The following MCEE variants were observed in gnomAD, a reference collection of about 807,000 sequenced individuals.
MCEE encodes methylmalonyl-CoA epimerase.
In MCEE, 6 loss-of-function variants were observed where a neutral mutation model predicts 12.9. The observed-to-expected ratio is 0.47, with a 90% CI of 0.26 to 0.92. The LOEUF (loss-of-function observed/expected upper bound fraction) is 0.92. Among genes scored for constraint, MCEE ranks in the 40% least tolerant of loss-of-function variants. MCEE has a pLI of 0.16. For missense variants in MCEE, 214 were observed against 212.1 expected, an observed-to-expected ratio of 1.01 and a Z score of -0.05; for synonymous variants, 78 against 77.9, an observed-to-expected ratio of 1.00 and a Z score of -0.01.
At chr2:71,116,023 C>T (rs1396963924) in intron 2 of MCEE, among the ~76,000 whole-genome samples, 2 of 150,032 alleles carry the variant, frequency 1.3e-5, no homozygotes, top group Non-Finnish European at 2.9e-5. Flanking sequence ...CAAACAATTA[C>T]AGAGTGTACC....
intron 1 of MCEE, among the ~76,000 whole-genome samples, chr2:71,125,732 GCAAA>G (rs1487346206): frequency 6.6e-6 from 1 of 152,120 alleles, no homozygotes; most frequent in East Asian, 1.9e-4. Flanking sequence ...CATTCATTTA[GCAAA>G]CAGTCATTGC....
chr2:71,120,484 A>T lies in MCEE; in HGVS notation c.378+3722T>A, dbSNP rs193073258. 2.0e-5 allele frequency among the ~76,000 whole-genome samples: 3 copies of T among 150,606 alleles called. No homozygotes were observed. The East Asian group carries it at 5.8e-4, about 29-fold the overall frequency. ...CCTCTAGTGAGAGGCAAAGACACAC[A>T]AGAAATATGAGTAAACCTCACAAGA... On this transcript the variant is annotated intron_variant, in intron 2 of 2. Transcript: ENST00000244217.
At position 71,130,205 on chromosome 2, in the gene MCEE, C is replaced by T; in HGVS notation, c.15G>A (p.Leu5=). The T allele has an allele frequency of 6.2e-7, 1 of 1,607,680 alleles. No individual in the cohort carries two copies. ...CTACGGCATTCGCGGCTGCAGCCTT[C>T]AGCACCCGCGCCATTTTGGAAAGCA... MARV[L]KAAAANAVGL... The change falls in exon 1 of 3, where the codon CTG becomes CTA. Residue 5 remains leucine, a synonymous_variant. Transcript: ENST00000244217.
chr2:71,110,134 G>A lies in MCEE; in HGVS notation c.379-12C>T, dbSNP rs1302543824. ...TTAATATTATCCACCTTAAGAAAGG[G>A]AAATAAATTGAACACATTTGAGATC... On this transcript the variant is annotated splice_polypyrimidine_tract_variant and intron_variant, in intron 2 of 2. Transcript: ENST00000244217. The A allele has an allele frequency of 1.9e-6, 3 of 1,608,790 alleles. No homozygotes were observed. Among genetic ancestry groups the A allele is most frequent in the Non-Finnish European group, 2.6e-6 (3 of 1,175,900 alleles).
Position 71,124,362 on chromosome 2 carries a change from A to G in MCEE, c.222T>C (p.Ser74=). The G allele has an allele frequency of 1.2e-6, 2 of 1,614,146 alleles. No individual in the cohort carries two copies. Among genetic ancestry groups the G allele is most frequent in the African/African-American group, 1.3e-5 (1 of 75,050 alleles). ...CATGTTCAGGAAGAGGGACCGCTTC[A>G]CTTACCTGGGCCCCCAGAATATTCT... ...FYKNILGAQV[S]EAVPLPEHGV... The change falls in exon 2 of 3, where the codon AGT becomes AGC. Residue 74 remains serine, a synonymous_variant. Transcript: ENST00000244217.
intron 2 of MCEE, among the ~76,000 whole-genome samples, chr2:71,119,277 TAC>T: frequency 6.6e-6 from 1 of 150,402 alleles, no homozygotes; most frequent in Admixed American, 6.6e-5. Flanking sequence ...GGCTACAGGG[TAC>T]AGTCTATTCC....
rs1315612779 is a variant in MCEE, at chr2:71,124,428, G to T, written c.156C>A (p.Ala52=). 6.2e-7 allele frequency: 1 copy of T among 1,614,036 alleles called. No homozygotes were observed. Among genetic ancestry groups the T allele is most frequent in the African/African-American group, 1.3e-5 (1 of 74,918 alleles). ...VWNLGRLNHV[A]IAVPDLEKAA... Reference sequence around the variant, plus strand: ...CCTTTTCCAAATCTGGCACTGCTATGGCTACATGGTTGAGTCGACCCAGGT... The same window carrying T: ...CCTTTTCCAAATCTGGCACTGCTATTGCTACATGGTTGAGTCGACCCAGGT... Residue 52 remains alanine (A), a synonymous_variant, in exon 2 of 3, where the codon GCC becomes GCA. Coordinates refer to ENST00000244217, the MANE Select transcript of MCEE (RefSeq NM_032601.4).
Position 71,124,321 on chromosome 2 carries a change from A to G in MCEE, c.263T>C (p.Phe88Ser). 8.7e-6 allele frequency: 14 copies of G among 1,614,230 alleles called. No individual in the cohort carries two copies. Among genetic ancestry groups the G allele is most frequent in the Non-Finnish European group, 1.2e-5 (14 of 1,180,036 alleles). Residue 88 changes from phenylalanine to serine, a missense_variant, in exon 2 of 3, where the codon TTT becomes TCT. Coordinates refer to ENST00000244217, the MANE Select transcript of MCEE (RefSeq NM_032601.4). ...PLPEHGVSVV[F>S]VNLGNTKMEL... ...CATCTTGGTATTTCCCAGGTTGACAAAAACAACAGATACTCCATGTTCAGG... is the reference window on the plus strand; with the variant it reads ...CATCTTGGTATTTCCCAGGTTGACAGAAACAACAGATACTCCATGTTCAGG...
At chr2:71,111,578 G>C (rs1231424798) in intron 2 of MCEE, among the ~76,000 whole-genome samples, 1 of 152,074 alleles carries the variant, frequency 6.6e-6, no homozygotes, top group African/African-American at 2.4e-5. Context: ...ATCCTTTCAA[G>C]GGGTTCTATT....
At chr2:71,125,369 G>A (rs1008794474) in intron 1 of MCEE, among the ~76,000 whole-genome samples, 25 of 151,188 alleles carry the variant, frequency 1.7e-4, no homozygotes, top group African/African-American at 4.4e-4. Context: ...CCACATGCCC[G>A]GCTAATGTTG....
At chr2:71,113,593 C>T (rs563263871) in intron 2 of MCEE, among the ~76,000 whole-genome samples, 7 of 152,014 alleles carry the variant, frequency 4.6e-5, no homozygotes, top group African/African-American at 9.7e-5. Flanking sequence ...CAAAAATGAT[C>T]GGGGTATGTC....
rs779113206 is a variant in MCEE at position 71,124,208 on chromosome 2, C to A, written c.376G>T (p.Glu126Ter). 1.2e-6 allele frequency: 2 copies of A among 1,608,022 alleles called. No homozygotes were observed. Among genetic ancestry groups the A allele is most frequent in the Non-Finnish European group, 1.7e-6 (2 of 1,174,782 alleles). Residue 126 changes from glutamate to a stop codon, truncating the protein, a stop_gained and splice_region_variant, in exon 2 of 3, where the codon GAG becomes TAG. Coordinates refer to ENST00000244217, the MANE Select transcript of MCEE (RefSeq NM_032601.4). LOFTEE classifies it high-confidence loss of function. ...KAGGMHHICIEVDNINAAVMD... is the reference protein window; with the variant it reads ...KAGGMHHICI ...AGGCATTAAAATAATTAAAATACCTCGATGCAGATGTGATGCATTCCTCCA... is the reference window on the plus strand; with the variant it reads ...AGGCATTAAAATAATTAAAATACCTAGATGCAGATGTGATGCATTCCTCCA...
In MCEE at chr2:71,129,933, G is replaced by A; in HGVS notation, c.40+247C>T. The A allele has an allele frequency of 6.6e-6, 4 of 602,046 alleles. No homozygotes were observed. In the South Asian group the frequency reaches 7.6e-5, roughly 11 times the overall value. The allele number at this position is 602,046 out of a possible 1,614,324, so 37.3% of individuals were successfully genotyped here. A position where few individuals can be genotyped will look rare whatever the true frequency, so the allele number is the denominator to read the frequency against. On this transcript the variant is annotated intron_variant, in intron 1 of 2. Transcript: ENST00000244217. Reference sequence around the variant, plus strand: ...GACTCTCCCGCCCACATACTGGAAGGTGCAGAGCCCAAGGCGCACAGCTCT... The same window carrying A: ...GACTCTCCCGCCCACATACTGGAAGATGCAGAGCCCAAGGCGCACAGCTCT...
intron 1 of MCEE, 188 bp downstream of exon 1, chr2:71,129,992 C>A: frequency 3.0e-6 from 2 of 673,322 alleles, no homozygotes; most frequent in Non-Finnish European, 5.5e-6. Flanking sequence ...CAAGGCAATC[C>A]CCGCTACTAA....
intron 2 of MCEE, among the ~76,000 whole-genome samples, chr2:71,122,865 C>A (rs1318369091): frequency 6.6e-6 from 1 of 152,204 alleles, no homozygotes; most frequent in Admixed American, 6.5e-5. Context: ...TAACTTTCTC[C>A]TTTTGTTCAC....
At position 71,125,211 on chromosome 2, in the gene MCEE, A is replaced by ATATATATTTT; in HGVS notation, c.41-669_41-668insAAAATATATA. Among the ~76,000 whole-genome samples the ATATATATTTT allele has an allele frequency of 1.5e-3, 71 of 48,598 alleles. 2 individuals carry two copies. Among genetic ancestry groups the ATATATATTTT allele is most frequent in the African/African-American group, 3.1e-3 (51 of 16,612 alleles). 31.9% of individuals were successfully genotyped at this position (48,598 alleles called of 152,430 possible). On this transcript the variant is annotated intron_variant, in intron 1 of 2. Transcript: ENST00000244217. ...TAAATATATATATATATATATATAT[A>ATATATATTTT]TTTTTTTTTTTTTTTGAGACGGAGT...
chr2:71,130,050 C>G, intron 1 of MCEE, 130 bp downstream of exon 1: 1 of 913,856 alleles, frequency 1.1e-6, no homozygotes, highest in Non-Finnish European at 1.8e-6. Flanking sequence ...ACAGCAGCTG[C>G]TGTGGAACGC....
intron 2 of MCEE, among the ~76,000 whole-genome samples, chr2:71,117,091 T>C (rs1673009758): frequency 6.6e-6 from 1 of 150,700 alleles, no homozygotes; most frequent in Non-Finnish European, 1.5e-5. Context: ...GGTGCTGATA[T>C]AATGAATGAC....
rs1328524560 is a variant in MCEE at position 71,112,396 on chromosome 2, A to G, written c.379-2274T>C. ...GTGATGTGCCCGCCTCTGACTCCCAAAGTGCTGGGATTACAGGCGTGAGCC... is the reference window on the plus strand; with the variant it reads ...GTGATGTGCCCGCCTCTGACTCCCAGAGTGCTGGGATTACAGGCGTGAGCC... On this transcript the variant is annotated intron_variant, in intron 2 of 2. Transcript: ENST00000244217. 2.8e-5 allele frequency among the ~76,000 whole-genome samples: 4 copies of G among 140,840 alleles called. No individual in the cohort carries two copies. The South Asian group carries it at 9.0e-4, about 32-fold the overall frequency. 92.4% of individuals were successfully genotyped at this position (140,840 alleles called of 152,430 possible).
Sources: gnomAD v4.1 joint callset for allele counts (sites outside exome capture counted in the v4.1 genomes callset) on GRCh38, gnomAD v4.1.1 for gene constraint, MANE v1.5 for transcripts, NCBI Gene and HGNC (gene_info 2026-07-23, HGNC 2026-07-21) for gene names.